The following UBR2 variants were observed in gnomAD, a reference collection of about 807,000 sequenced individuals.
The protein encoded by UBR2 is ubiquitin protein ligase E3 component n-recognin 2.
UBR2 carries 92 observed loss-of-function variants against 247.9 expected under a neutral mutation model. The ratio of observed to expected loss-of-function variants is 0.37; its 90% CI spans 0.31 to 0.44. The LOEUF (loss-of-function observed/expected upper bound fraction) is 0.44, where lower values mean the gene tolerates loss of function less well. Ranked by LOEUF, UBR2 falls within the 20% of genes least tolerant of loss-of-function variation. UBR2 has a pLI of 1.00. For synonymous variants in UBR2, 672 were observed against 693.5 expected (o/e 0.97, Z 0.49); for missense variants, 1,613 against 2,112.6 (o/e 0.76, Z 4.64).
intron 36 of UBR2, among the ~76,000 whole-genome samples, chr6:42,673,417 G>T (rs541378563): frequency 6.6e-6 from 1 of 152,242 alleles, no homozygotes; most frequent in Non-Finnish European, 1.5e-5. Context: ...TGCCTCCAGG[G>T]TTCAAGTGAT....
chr6:42,647,308 A>AC (rs1796823322), intron 21 of UBR2, among the ~76,000 whole-genome samples: 1 of 151,504 alleles, frequency 6.6e-6, no homozygotes, highest in African/African-American at 2.4e-5. Context: ...TCGGCCGGGC[A>AC]CAGTGGCTCA....
chr6:42,595,899 T>C (rs994564452), intron 4 of UBR2, among the ~76,000 whole-genome samples: 1 of 151,848 alleles, frequency 6.6e-6, no homozygotes, highest in Non-Finnish European at 1.5e-5. Context: ...TTTGCTACAG[T>C]AAGATGCCAA....
intron 3 of UBR2, 93 bp from the exon 4 acceptor site, chr6:42,594,098 A>G: frequency 2.2e-6 from 2 of 900,294 alleles, no homozygotes; most frequent in South Asian, 1.9e-5. Context: ...CACTTAAGCA[A>G]TGGTATTTCC....
chr6:42,661,870 A>T (rs1797832865), intron 30 of UBR2, among the ~76,000 whole-genome samples: 1 of 152,236 alleles, frequency 6.6e-6, no homozygotes, highest in Admixed American at 6.5e-5. Context: ...GTACAATGGG[A>T]GGAATTGGAA....
rs552306947 is a variant in UBR2, at chr6:42,582,480, G to A, written c.338+8487G>A. 8.5e-5 allele frequency among the ~76,000 whole-genome samples: 13 copies of A among 152,114 alleles called. No individual in the cohort carries two copies. The East Asian group carries it at 2.5e-3, about 29-fold the overall frequency. On this transcript the variant is annotated intron_variant, in intron 2 of 46. Coordinates refer to ENST00000372901, the MANE Select transcript of UBR2 (RefSeq NM_001363705.2). ...TTTTCTTGGATAAATTCCTAAGAGT[G>A]GAATTTCTGGGTAAAAGGGCAGGTA...
chr6:42,617,523 C>T lies in UBR2; in HGVS notation c.1281+16C>T, dbSNP rs185961818. 5.4e-5 allele frequency: 83 copies of T among 1,548,010 alleles called. No homozygotes were observed. Among genetic ancestry groups the T allele is most frequent in the Non-Finnish European group, 6.9e-5 (79 of 1,144,784 alleles). ...TCCTTCACTTGTAAGTACTGAAAGA[C>T]TAGAAGAACTTTCTTGTTTTCCATT... On this transcript the variant is annotated intron_variant, in intron 11 of 46. Transcript: ENST00000372901.
At chr6:42,665,356 G>A (rs1322204046) in intron 32 of UBR2, 53 bp from the exon 33 acceptor site, 2 of 1,347,078 alleles carry the variant, frequency 1.5e-6, no homozygotes, top group African/African-American at 1.5e-5. Context: ...GGAGTCTTTT[G>A]TATCTTAAGG....
chr6:42,574,322 A>G (rs897422688), intron 2 of UBR2, among the ~76,000 whole-genome samples: 5 of 152,158 alleles, frequency 3.3e-5, no homozygotes, highest in African/African-American at 1.2e-4. Context: ...TCAAATTGCC[A>G]TAGATTTGGC....
Position 42,652,635 on chromosome 6 carries a change from TG to T in UBR2, c.2760del (p.Met920IlefsTer8). 6.2e-7 allele frequency: 1 copy of T among 1,610,824 alleles called. No individual in the cohort carries two copies. The highest frequency in any genetic ancestry group is 8.5e-7 in the Non-Finnish European group (1 of 1,179,378). ...EHNGYAWSES[M>X]LQRVLHLIGM... Reference sequence around the variant, plus strand: ...AATGGATATGCCTGGTCAGAGTCCATGCTGCAAAGGGTAGGTTTGAAGACAT... The same window carrying T: ...AATGGATATGCCTGGTCAGAGTCCATCTGCAAAGGGTAGGTTTGAAGACAT... On this transcript the variant is annotated frameshift_variant, in exon 25 of 47. Coordinates refer to ENST00000372901, the MANE Select transcript of UBR2 (RefSeq NM_001363705.2). LOFTEE classifies it high-confidence loss of function.
chr6:42,691,616 C>T lies in UBR2; in HGVS notation c.*443C>T. The T allele has an allele frequency of 4.7e-6, 1 of 213,002 alleles. No homozygotes were observed. The highest frequency in any genetic ancestry group is 7.0e-5 in the South Asian group (1 of 14,326). The allele number at this position is 213,002 out of a possible 1,614,324, so 13.2% of individuals were successfully genotyped here. The stretch of plus-strand genomic sequence containing the variant: ...AACACTGGGACTGGGTTGGTGTCCC[C>T]TCTGCTGACAGGACCCTACTCCTAG... On this transcript the variant is annotated 3_prime_UTR_variant, in exon 47 of 47. Transcript: ENST00000372901.
chr6:42,670,976 G>C (rs1404631025), intron 36 of UBR2, among the ~76,000 whole-genome samples: 1 of 152,076 alleles, frequency 6.6e-6, no homozygotes, highest in Non-Finnish European at 1.5e-5. Context: ...ACCTGAGGTC[G>C]GGAGTTTAAG....
intron 8 of UBR2, among the ~76,000 whole-genome samples, chr6:42,614,416 G>GTTCA (rs1794389006): frequency 2.3e-5 from 1 of 43,006 alleles, no homozygotes; most frequent in Non-Finnish European, 4.9e-5. Context: ...ATGTATGTAC[G>GTTCA]TACGTACATA....
chr6:42,636,818 G>A (rs1796127960), intron 14 of UBR2, among the ~76,000 whole-genome samples, 193 bp from the exon 15 acceptor site: 1 of 152,056 alleles, frequency 6.6e-6, no homozygotes, highest in African/African-American at 2.4e-5. Flanking sequence ...CTAGATTTCT[G>A]CACTATATGA....
At chr6:42,683,251 C>A in intron 43 of UBR2, 140 bp downstream of exon 43, 1 of 585,416 alleles carries the variant, frequency 1.7e-6, no homozygotes, top group East Asian at 3.1e-5. Context: ...TTCATATTTT[C>A]TTCTTAATCT....
intron 10 of UBR2, 37 bp downstream of exon 10, chr6:42,616,127 T>G (rs769459299): frequency 3.7e-5 from 53 of 1,435,330 alleles, no homozygotes; most frequent in Non-Finnish European, 4.5e-5. Context: ...AGGTTATATA[T>G]AGAGTAACTA....
chr6:42,616,210 C>T (rs11760191), intron 10 of UBR2, 120 bp downstream of exon 10: 1 of 593,632 alleles, frequency 1.7e-6, no homozygotes, highest in South Asian at 2.8e-5. Flanking sequence ...ATATTAAATT[C>T]TAAGAAACTT....
At chr6:42,675,458 G>T (rs1798667328) in intron 38 of UBR2, among the ~76,000 whole-genome samples, 1 of 152,116 alleles carries the variant, frequency 6.6e-6, no homozygotes, top group African/African-American at 2.4e-5. Flanking sequence ...TACAGTCCTG[G>T]AGAGAGTTCA....
At chr6:42,619,532 T>C in intron 11 of UBR2, 1 of 224,310 alleles carries the variant, frequency 4.5e-6, no homozygotes, top group Non-Finnish European at 8.3e-6. Context: ...GTGGATCACC[T>C]GAGCTTAGGA....
At chr6:42,657,227 T>C (rs1797492956) in intron 26 of UBR2, among the ~76,000 whole-genome samples, 1 of 141,094 alleles carries the variant, frequency 7.1e-6, no homozygotes, top group Non-Finnish European at 1.5e-5. Flanking sequence ...AGAGTGAGAC[T>C]CTGTCTCAAA....
Sources: allele counts gnomAD v4.1 joint callset (sites outside exome capture counted in the v4.1 genomes callset), GRCh38; gene constraint gnomAD v4.1.1; transcripts MANE v1.5; gene names NCBI Gene and HGNC (gene_info 2026-07-23, HGNC 2026-07-21).